The following VWA8 variants were observed in gnomAD, a reference collection of about 807,000 sequenced individuals.
The protein encoded by VWA8 is von Willebrand factor A domain containing 8.
In VWA8, 221 loss-of-function variants were observed where a neutral mutation model predicts 241.5. The observed-to-expected ratio is 0.91, with a 90% CI of 0.82 to 1.02. The LOEUF is 1.02. Among genes scored for constraint, VWA8 ranks in the 50% least tolerant of loss-of-function variants. The pLI, the probability that VWA8 is intolerant of heterozygous loss-of-function variation, is 0.00. For missense variants in VWA8, 2,322 were observed against 2,328.7 expected (o/e 1.00, Z 0.06); for synonymous variants, 852 against 827.1 (o/e 1.03, Z -0.52).
intron 12 of VWA8, among the ~76,000 whole-genome samples, chr13:41,833,799 G>A (rs770660355): frequency 3.3e-5 from 5 of 151,618 alleles, no homozygotes; most frequent in Non-Finnish European, 7.4e-5. Context: ...ATTTTCTTCC[G>A]CTTTTAAAAT....
intron 20 of VWA8, among the ~76,000 whole-genome samples, chr13:41,777,534 T>C (rs770010545): frequency 3.0e-4 from 46 of 152,214 alleles, no homozygotes; most frequent in Admixed American, 7.8e-4. Context: ...TACTGAAGAC[T>C]CAGACTATAC....
At chr13:41,739,041 G>C (rs1330550141) in intron 21 of VWA8, among the ~76,000 whole-genome samples, 1 of 152,122 alleles carries the variant, frequency 6.6e-6, no homozygotes, top group Non-Finnish European at 1.5e-5. Flanking sequence ...TTCATGTTAG[G>C]ACTTTCTATG....
chr13:41,878,954 C>CA (rs1337794368), intron 9 of VWA8, among the ~76,000 whole-genome samples: 1 of 152,162 alleles, frequency 6.6e-6, no homozygotes, highest in Non-Finnish European at 1.5e-5. Flanking sequence ...TATCTTCTCT[C>CA]AGTTTTTTTC....
intron 13 of VWA8, among the ~76,000 whole-genome samples, chr13:41,831,874 T>G (rs1207510501): frequency 6.7e-6 from 1 of 149,966 alleles, no homozygotes; most frequent in Non-Finnish European, 1.5e-5. Flanking sequence ...CCCACCTCGG[T>G]CTCCCAAAAT....
chr13:41,801,005 T>C (rs1283371389), intron 17 of VWA8, among the ~76,000 whole-genome samples: 2 of 152,166 alleles, frequency 1.3e-5, no homozygotes, highest in African/African-American at 2.4e-5. Context: ...CTTTGTAGAC[T>C]GAATTAGTAA....
intron 21 of VWA8, among the ~76,000 whole-genome samples, chr13:41,749,868 C>T (rs889659060): frequency 1.2e-4 from 10 of 82,474 alleles, no homozygotes; most frequent in Non-Finnish European, 1.8e-4. Context: ...ACTCCGGGGC[C>T]TGTTGTGGGG....
chr13:41,868,214 A>G, intron 10 of VWA8, 132 bp downstream of exon 10: 1 of 976,922 alleles, frequency 1.0e-6, no homozygotes, highest in African/African-American at 1.7e-5. Flanking sequence ...CTGGAGACAT[A>G]GACATATAGA....
At chr13:41,732,271 C>T (rs2045490920) in intron 21 of VWA8, 116 bp from the exon 22 acceptor site, 3 of 835,974 alleles carry the variant, frequency 3.6e-6, no homozygotes, top group Admixed American at 2.8e-5. Context: ...ATCCTGCTTC[C>T]CCTTCCCCCA....
chr13:41,823,805 G>T (rs1871064864), intron 14 of VWA8, among the ~76,000 whole-genome samples: 1 of 152,202 alleles, frequency 6.6e-6, no homozygotes. Flanking sequence ...GAGATGTATA[G>T]TCTTGGTGAA....
intron 36 of VWA8, among the ~76,000 whole-genome samples, chr13:41,673,214 T>C (rs768452367): frequency 1.3e-5 from 2 of 152,212 alleles, no homozygotes; most frequent in Admixed American, 6.5e-5. Context: ...CAAATGCAGA[T>C]AATATAAAAC....
chr13:41,632,883 G>C (rs1444836024), intron 37 of VWA8, among the ~76,000 whole-genome samples: 2 of 152,112 alleles, frequency 1.3e-5, no homozygotes, highest in Admixed American at 1.3e-4. Flanking sequence ...CTATTTGTAA[G>C]AATACAAAAT....
At chr13:41,886,606 T>C (rs1874552464) in intron 7 of VWA8, among the ~76,000 whole-genome samples, 175 bp downstream of exon 7, 1 of 152,224 alleles carries the variant, frequency 6.6e-6, no homozygotes, top group Non-Finnish European at 1.5e-5. Flanking sequence ...CTCTATTAGA[T>C]CTTGAGTTTC....
rs762809246 is a variant in VWA8 at position 41,887,287 on chromosome 13, G to A, written c.726C>T (p.Gly242=). 1 of 1,613,602 alleles carries A rather than the reference G, an allele frequency of 6.2e-7. No individual in the cohort carries two copies. Among genetic ancestry groups the A allele is most frequent in the Non-Finnish European group, 8.5e-7 (1 of 1,179,842 alleles). ...VSENFRVIAL[G]LPVPRYSGNP... ...TCCCAGAATACCTTGGCACTGGCAA[G>A]CCCAAGGCAATCACTCGGAAATTTT... Residue 242 remains glycine, a synonymous_variant, in exon 6 of 45, where the codon GGC becomes GGT. Coordinates refer to ENST00000379310, the MANE Select transcript of VWA8 (RefSeq NM_015058.2).
intron 12 of VWA8, among the ~76,000 whole-genome samples, chr13:41,844,827 AAT>A (rs1292733136): frequency 6.6e-6 from 1 of 152,054 alleles, no homozygotes; most frequent in African/African-American, 2.4e-5. Flanking sequence ...AATACCTAGG[AAT>A]ACATGTAAAA....
At chr13:41,628,268 G>A (rs1315049820) in intron 37 of VWA8, among the ~76,000 whole-genome samples, 1 of 152,182 alleles carries the variant, frequency 6.6e-6, no homozygotes, top group African/African-American at 2.4e-5. Flanking sequence ...TGATGGGAAG[G>A]TAAATTAGTT....
At chr13:41,772,814 T>C (rs1034244422) in intron 20 of VWA8, among the ~76,000 whole-genome samples, 1 of 152,242 alleles carries the variant, frequency 6.6e-6, no homozygotes, top group Non-Finnish European at 1.5e-5. Context: ...TCTTTTCTAG[T>C]ATCATAGATT....
intron 37 of VWA8, among the ~76,000 whole-genome samples, chr13:41,645,965 ATTTT>A (rs66526705): frequency 7.3e-6 from 1 of 136,508 alleles, no homozygotes; most frequent in Non-Finnish European, 1.6e-5. Context: ...AATTTTCCTG[ATTTT>A]TTTTTTTTTT....
intron 4 of VWA8, chr13:41,905,070 C>A (rs1310782476): frequency 1.3e-5 from 2 of 151,996 alleles, no homozygotes; most frequent in African/African-American, 4.8e-5. Context: ...GAGTCGAAGT[C>A]AACAAGATAG....
chr13:41,880,060 C>T (rs140948317), intron 9 of VWA8, among the ~76,000 whole-genome samples: 1 of 152,228 alleles, frequency 6.6e-6, no homozygotes, highest in African/African-American at 2.4e-5. Flanking sequence ...TTTTGGAAAA[C>T]ACCACTGTTA....
Sources: gnomAD v4.1 joint callset for allele counts (sites outside exome capture counted in the v4.1 genomes callset) on GRCh38, gnomAD v4.1.1 for gene constraint, MANE v1.5 for transcripts, NCBI Gene and HGNC (gene_info 2026-07-23, HGNC 2026-07-21) for gene names.